Variants in PARG observed in about 807,000 individuals in gnomAD.
PARG encodes the protein mitochondrial poly(ADP-ribose) glycohydrolase.
A neutral mutation model predicts 113.0 loss-of-function variants in PARG; 35 were observed. The ratio of observed to expected loss-of-function variants is 0.31; its 90% confidence interval spans 0.24 to 0.41. The LOEUF (loss-of-function observed/expected upper bound fraction) is 0.41. Ranked by LOEUF, PARG falls within the 10% of genes least tolerant of loss-of-function variation. The pLI, the probability that PARG is intolerant of heterozygous loss-of-function variation, is 1.00. For synonymous variants in PARG, 330 were observed against 409.9 expected (o/e 0.81, Z 2.36); for missense variants, 797 against 1,169.4 (o/e 0.68, Z 4.64).
At chr10:49,851,696 G>C (rs1470311208) in intron 13 of PARG, among the ~76,000 whole-genome samples, 1 of 130,734 alleles carries the variant, frequency 7.6e-6, no homozygotes, top group African/African-American at 2.8e-5. Context: ...CCAAACAGAA[G>C]CAGAAAAACA....
At chr10:49,893,448 T>C (rs543021705) in intron 7 of PARG, among the ~76,000 whole-genome samples, 215 of 152,340 alleles carry the variant, frequency 1.4e-3, no homozygotes, top group Admixed American at 3.3e-3. Flanking sequence ...GTTCTTTATA[T>C]ATTCTGGATA....
chr10:49,844,509 G>GC (rs1461580183), intron 13 of PARG, among the ~76,000 whole-genome samples: 1 of 151,756 alleles, frequency 6.6e-6, no homozygotes, highest in Admixed American at 6.6e-5. Context: ...TGTAATCCCA[G>GC]CTACTCAGGA....
rs1588896101 is a variant in PARG at position 49,850,075 on chromosome 10, A to T, written c.2354-6443T>A. Among the ~76,000 whole-genome samples, 4 of 145,618 alleles carry T rather than the reference A, an allele frequency of 2.7e-5. No homozygotes were observed. The South Asian group carries it at 6.7e-4, about 24-fold the overall frequency. On this transcript the variant is annotated intron_variant, in intron 13 of 17. Coordinates refer to ENST00000616448, the MANE Select transcript of PARG (RefSeq NM_003631.5). ...TTAGCATCTTGTAATGCAAGAATAT[A>T]AAAGCAGTTGAGTAAGAACTTGCCG...
intron 7 of PARG, among the ~76,000 whole-genome samples, chr10:49,913,476 AC>A: frequency 6.6e-6 from 1 of 152,368 alleles, no homozygotes; most frequent in Non-Finnish European, 1.5e-5. Flanking sequence ...TAAATTTTAA[AC>A]ATACATTTAT....
intron 10 of PARG, among the ~76,000 whole-genome samples, chr10:49,866,693 T>C (rs1214760045): frequency 6.6e-6 from 1 of 152,098 alleles, no homozygotes; most frequent in Non-Finnish European, 1.5e-5. Context: ...CATGGTTTCT[T>C]AGATTAACAA....
intron 13 of PARG, among the ~76,000 whole-genome samples, chr10:49,850,545 T>C (rs540147042): frequency 4.3e-4 from 66 of 152,350 alleles, no homozygotes; most frequent in African/African-American, 1.5e-3. Flanking sequence ...TCTACTTGCC[T>C]GATAGGAACC....
At chr10:49,847,725 A>T (rs1439985014) in intron 13 of PARG, among the ~76,000 whole-genome samples, 1 of 135,960 alleles carries the variant, frequency 7.4e-6, no homozygotes, top group Non-Finnish European at 1.6e-5. Flanking sequence ...ACTGTATCAA[A>T]TTAAATTTCC....
intron 7 of PARG, among the ~76,000 whole-genome samples, chr10:49,904,079 A>C (rs1278144862): frequency 1.3e-5 from 2 of 151,456 alleles, no homozygotes; most frequent in African/African-American, 4.8e-5. Flanking sequence ...AGGAAGTAAA[A>C]TTATGACATC....
chr10:49,915,718 A>T (rs1292447511), intron 7 of PARG, among the ~76,000 whole-genome samples, 199 bp downstream of exon 7: 1 of 152,166 alleles, frequency 6.6e-6, no homozygotes, highest in Admixed American at 6.5e-5. Flanking sequence ...TATAACAGAA[A>T]ATGTGTATTC....
In PARG at chr10:49,921,071, ATGT is replaced by A. The variant is rs547768233; in HGVS notation, c.1662+1262_1662+1264del. 7.7e-3 allele frequency among the ~76,000 whole-genome samples: 1,172 copies of A among 152,208 alleles called. 6 individuals are homozygous for A. Among genetic ancestry groups the A allele is most frequent in the Admixed American group, 0.016 (249 of 15,276 alleles). On this transcript the variant is annotated intron_variant, in intron 6 of 17. Coordinates refer to ENST00000616448, the MANE Select transcript of PARG (RefSeq NM_003631.5). The stretch of plus-strand genomic sequence containing the variant: ...ATGGGGTGGAGAAAGAAGGACGGAA[ATGT>A]TGTCACCCAGGTGGTTTTAGGGTCT...
chr10:49,846,762 G>T (rs1326733050), intron 13 of PARG, among the ~76,000 whole-genome samples: 1 of 152,050 alleles, frequency 6.6e-6, no homozygotes, highest in Non-Finnish European at 1.5e-5. Flanking sequence ...GTGTGTGTGT[G>T]TGTGTGTGTG....
chr10:49,904,476 G>C (rs1848484067), intron 7 of PARG, among the ~76,000 whole-genome samples: 1 of 151,806 alleles, frequency 6.6e-6, no homozygotes, highest in African/African-American at 2.4e-5. Context: ...GAGTGGTAAT[G>C]ATGTGTCAAG....
rs1838587637 is a variant in PARG, at chr10:49,933,455, A to G, written c.993T>C (p.Asp331=). 2.5e-5 allele frequency: 40 copies of G among 1,612,550 alleles called. No homozygotes were observed. Among genetic ancestry groups the G allele is most frequent in the Non-Finnish European group, 3.4e-5 (40 of 1,178,776 alleles). ...TATTTGCTGTTTGGGAGGAACTACCATCTTCTTGTTCATCAAAACCTGGAC... is the reference window on the plus strand; with the variant it reads ...TATTTGCTGTTTGGGAGGAACTACCGTCTTCTTGTTCATCAAAACCTGGAC... ...ETSPGFDEQE[D]GSSSQTANKP... The change falls in exon 3 of 18, where the codon GAT becomes GAC. Residue 331 remains aspartate (D), a synonymous_variant. Coordinates refer to ENST00000616448, the MANE Select transcript of PARG (RefSeq NM_003631.5).
At chr10:49,832,327 C>G (rs971631994) in intron 16 of PARG, among the ~76,000 whole-genome samples, 1 of 152,238 alleles carries the variant, frequency 6.6e-6, no homozygotes, top group Non-Finnish European at 1.5e-5. Flanking sequence ...CGGTCTCATA[C>G]TGCCTCTCTC....
rs567030681 is a variant in PARG at position 49,882,062 on chromosome 10, G to A, written c.1831-2232C>T. On this transcript the variant is annotated intron_variant, in intron 8 of 17. Coordinates refer to ENST00000616448, the MANE Select transcript of PARG (RefSeq NM_003631.5). ...TTAAAAATTAATAGTAAAGATTTCA[G>A]GATTAATGGACTTCAAACACAAACA... is the stretch of plus-strand genomic sequence containing the variant. 2.1e-3 allele frequency among the ~76,000 whole-genome samples: 322 copies of A among 152,192 alleles called. 1 individual carries two copies. The highest frequency in any genetic ancestry group is 3.8e-3 in the Non-Finnish European group (256 of 68,016).
intron 4 of PARG, 148 bp from the exon 5 acceptor site, chr10:49,922,817 T>C: frequency 3.9e-6 from 3 of 771,802 alleles, no homozygotes; most frequent in Non-Finnish European, 6.1e-6. Context: ...TTCTTCCCAT[T>C]CCTCACCTCC....
intron 16 of PARG, among the ~76,000 whole-genome samples, chr10:49,831,926 T>C (rs1844688209): frequency 6.6e-6 from 1 of 152,144 alleles, no homozygotes; most frequent in Non-Finnish European, 1.5e-5. Flanking sequence ...AACTTGTGGA[T>C]GGAGTCTGAA....
At chr10:49,857,055 A>AATAGTTTT in intron 13 of PARG, among the ~76,000 whole-genome samples, 1 of 152,002 alleles carries the variant, frequency 6.6e-6, no homozygotes, top group East Asian at 1.9e-4. Context: ...GGGGTAACTG[A>AATAGTTTT]ATAGTTTTTA....
At chr10:49,839,425 C>T (rs546882465) in intron 15 of PARG, among the ~76,000 whole-genome samples, 7 of 152,250 alleles carry the variant, frequency 4.6e-5, no homozygotes, top group Middle Eastern at 3.4e-3. Context: ...GACTGACTGC[C>T]GCCAACTCCT....
Sources: gnomAD v4.1 joint callset for allele counts (sites outside exome capture counted in the v4.1 genomes callset) on GRCh38, gnomAD v4.1.1 for gene constraint, MANE v1.5 for transcripts, NCBI Gene and HGNC (gene_info 2026-07-23, HGNC 2026-07-21) for gene names.